NFILZ: variants seen among roughly 807,000 people sequenced by gnomAD.
NFILZ encodes NFIL3 like protein.
intron 1 of NFILZ, among the ~76,000 whole-genome samples, chr19:8,631,830 T>TTATA (rs367777602): frequency 1.4e-5 from 2 of 145,898 alleles, no homozygotes; most frequent in South Asian, 2.2e-4. Flanking sequence ...GTCCTCGCTT[T>TTATA]TGTGTGTGTG....
chr19:8,641,524 G>GC (rs1178116238), intron 3 of NFILZ, among the ~76,000 whole-genome samples: 1 of 152,168 alleles, frequency 6.6e-6, no homozygotes, highest in African/African-American at 2.4e-5. Context: ...TATCCACAGA[G>GC]CCCATTCCAA....
chr19:8,655,731 C>T (rs2042989198), intron 3 of NFILZ, among the ~76,000 whole-genome samples: 2 of 152,164 alleles, frequency 1.3e-5, no homozygotes, highest in South Asian at 4.1e-4. Context: ...CTCTCTCTGA[C>T]TCTGTCTCCC....
In NFILZ at chr19:8,680,154, C is replaced by T. The variant is rs1299456410; in HGVS notation, c.*2519C>T. Among the ~76,000 whole-genome samples, 1 of 145,718 alleles carries T rather than the reference C, an allele frequency of 6.9e-6. No individual in the cohort carries two copies. Among genetic ancestry groups the T allele is most frequent in the Non-Finnish European group, 1.5e-5 (1 of 67,302 alleles). ...GAGGCTGCAGCGAGCTGAGATTGCA[C>T]CACTGCAGTCCAGCCTGGGCGACAG... is the stretch of plus-strand genomic sequence containing the variant. On this transcript the variant is annotated 3_prime_UTR_variant, in exon 6 of 6. Transcript: ENST00000691075.
At chr19:8,633,935 CTT>C (rs2042882992) in intron 2 of NFILZ, among the ~76,000 whole-genome samples, 3 of 145,042 alleles carry the variant, frequency 2.1e-5, no homozygotes, top group Non-Finnish European at 3.0e-5. Flanking sequence ...TCCTTCCTTC[CTT>C]CCTTCCTTCC....
At position 8,652,966 on chromosome 19, in the gene NFILZ, TCCC is replaced by T. The variant is rs1600145430; in HGVS notation, c.-164+17221_-164+17223del. Among the ~76,000 whole-genome samples the T allele has an allele frequency of 1.2e-3, 138 of 115,446 alleles. 1 individual carries two copies. Among genetic ancestry groups the T allele is most frequent in the African/African-American group, 1.7e-3 (50 of 29,758 alleles). 75.7% of individuals were successfully genotyped at this position (115,446 alleles called of 152,430 possible). ...TTTCTCTCTCTTTCTTTCCCTTCCT[TCCC>T]TCCTTCCTTCCTTCCTTCCTTCCTT... is the stretch of plus-strand genomic sequence containing the variant. On this transcript the variant is annotated intron_variant, in intron 3 of 5. Transcript: ENST00000691075.
At chr19:8,663,510 GT>G (rs2043042182) in intron 3 of NFILZ, among the ~76,000 whole-genome samples, 1 of 142,424 alleles carries the variant, frequency 7.0e-6, no homozygotes, top group Non-Finnish European at 1.5e-5. Flanking sequence ...GTGGGGAGGG[GT>G]GGAACTGCCA....
chr19:8,646,422 A>G (rs1231123705), intron 3 of NFILZ, among the ~76,000 whole-genome samples: 1 of 152,210 alleles, frequency 6.6e-6, no homozygotes, highest in Non-Finnish European at 1.5e-5. Flanking sequence ...AAGGCCACAC[A>G]GCTGGCGTGG....
chr19:8,649,075 A>G (rs2042954301), intron 3 of NFILZ, among the ~76,000 whole-genome samples: 1 of 151,256 alleles, frequency 6.6e-6, no homozygotes, highest in African/African-American at 2.4e-5. Flanking sequence ...TGATCCTTCC[A>G]CCTCAGCCTC....
At chr19:8,642,632 C>T (rs1479698417) in intron 3 of NFILZ, among the ~76,000 whole-genome samples, 4 of 151,988 alleles carry the variant, frequency 2.6e-5, no homozygotes, top group Admixed American at 2.0e-4. Flanking sequence ...CTTGGTTCTC[C>T]TCCACGTGGC....
intron 3 of NFILZ, among the ~76,000 whole-genome samples, chr19:8,670,081 G>A (rs1415398097): frequency 2.0e-5 from 3 of 151,856 alleles, no homozygotes; most frequent in African/African-American, 4.8e-5. Context: ...TGGACCATGA[G>A]AGCTCACCTA....
rs1171530311 is a variant in NFILZ, at chr19:8,680,298, TTTTC to T, written c.*2664_*2667del. Reference sequence around the variant, plus strand: ...AGCTTGTGGCTCAGCTATAACAGCATTTTCATTCATTCATTCATTCATTCATTCA... The same window carrying T: ...AGCTTGTGGCTCAGCTATAACAGCATATTCATTCATTCATTCATTCATTCA... On this transcript the variant is annotated 3_prime_UTR_variant, in exon 6 of 6. Coordinates refer to ENST00000691075, the MANE Select transcript of NFILZ (RefSeq NM_001378600.1). 1.1e-4 allele frequency among the ~76,000 whole-genome samples: 11 copies of T among 103,492 alleles called. No homozygotes were observed. Among genetic ancestry groups the T allele is most frequent in the African/African-American group, 1.8e-4 (4 of 22,246 alleles). The allele number at this position is 103,492 out of a possible 152,430, so 67.9% of individuals were successfully genotyped here.
intron 3 of NFILZ, among the ~76,000 whole-genome samples, chr19:8,645,216 C>T (rs2146142397): frequency 6.6e-6 from 1 of 152,104 alleles, no homozygotes; most frequent in South Asian, 2.1e-4. Flanking sequence ...TCACTGCAGC[C>T]TCAAACTCCT....
intron 3 of NFILZ, among the ~76,000 whole-genome samples, chr19:8,665,829 G>C (rs1344821683): frequency 1.3e-5 from 2 of 152,186 alleles, no homozygotes; most frequent in Non-Finnish European, 1.5e-5. Flanking sequence ...TAAGCGACAT[G>C]CCTAAACAAT....
intron 3 of NFILZ, among the ~76,000 whole-genome samples, chr19:8,636,204 C>T (rs1461798527): frequency 5.3e-5 from 8 of 150,518 alleles, no homozygotes; most frequent in Non-Finnish European, 1.0e-4. Flanking sequence ...AATCTCAGCA[C>T]TTTGGGAGGC....
intron 2 of NFILZ, among the ~76,000 whole-genome samples, chr19:8,633,333 C>T (rs981991027): frequency 6.6e-6 from 1 of 152,068 alleles, no homozygotes; most frequent in African/African-American, 2.4e-5. Flanking sequence ...CCTTTACTTC[C>T]TTAATAAGCT....
intron 3 of NFILZ, among the ~76,000 whole-genome samples, chr19:8,641,880 G>C (rs782654237): frequency 7.2e-5 from 11 of 151,816 alleles, no homozygotes; most frequent in Non-Finnish European, 1.3e-4. Context: ...GGCTGCTGGA[G>C]TGCAGTGGCA....
At chr19:8,674,733 A>G (rs2043103418) in intron 4 of NFILZ, among the ~76,000 whole-genome samples, 133 bp downstream of exon 4, 3 of 152,054 alleles carry the variant, frequency 2.0e-5, no homozygotes, top group African/African-American at 4.8e-5. Flanking sequence ...GAGTGTTGCT[A>G]TTTGTCTGGT....
At chr19:8,667,812 C>T (rs2043069299) in intron 3 of NFILZ, among the ~76,000 whole-genome samples, 1 of 152,236 alleles carries the variant, frequency 6.6e-6, no homozygotes, top group East Asian at 1.9e-4. Flanking sequence ...TCCCAAAGTA[C>T]TGGGATTATA....
chr19:8,672,742 A>T (rs894009316), intron 3 of NFILZ, among the ~76,000 whole-genome samples: 4 of 152,344 alleles, frequency 2.6e-5, no homozygotes, highest in East Asian at 1.9e-4. Flanking sequence ...AGTTTATTTT[A>T]AAAAATATTC....
Sources: allele counts gnomAD v4.1 joint callset (sites outside exome capture counted in the v4.1 genomes callset), GRCh38; gene constraint gnomAD v4.1.1; transcripts MANE v1.5; gene names NCBI Gene and HGNC (gene_info 2026-07-23, HGNC 2026-07-21).